Variants in LGI1 observed in about 807,000 individuals in gnomAD.
LGI1 encodes the protein leucine rich glioma inactivated 1.
Under a neutral mutation model 57.7 loss-of-function variants are expected in LGI1, and 11 were observed. That is an observed-to-expected ratio of 0.19 (90% CI 0.12 to 0.32). LGI1 has a LOEUF of 0.32. Among genes scored for constraint, LGI1 ranks in the 10% least tolerant of loss-of-function variants. The pLI, the probability that LGI1 is intolerant of heterozygous loss-of-function variation, is 1.00. For synonymous variants in LGI1, 222 were observed against 241.9 expected (o/e 0.92, Z 0.76); for missense variants, 422 against 661.9 (o/e 0.64, Z 3.98).
intron 2 of LGI1, among the ~76,000 whole-genome samples, chr10:93,775,457 G>C (rs983296267): frequency 1.3e-5 from 2 of 152,194 alleles, no homozygotes; most frequent in Non-Finnish European, 2.9e-5. Flanking sequence ...TGTGCCCGGG[G>C]CTGGGGACAC....
At chr10:93,759,219 C>T (rs2059597315) in intron 2 of LGI1, 4 of 243,802 alleles carry the variant, frequency 1.6e-5, no homozygotes, top group Non-Finnish European at 3.2e-5. Context: ...ATGTTGTCTC[C>T]GGGGATCTGG....
chr10:93,790,346 A>G (rs2059926153), intron 5 of LGI1, 176 bp downstream of exon 5: 1 of 613,808 alleles, frequency 1.6e-6, no homozygotes, highest in Non-Finnish European at 2.8e-6. Context: ...TGAGTCTTCT[A>G]TGGTATTTAT....
chr10:93,796,022 C>G (rs2059976736), intron 7 of LGI1, among the ~76,000 whole-genome samples: 1 of 152,248 alleles, frequency 6.6e-6, no homozygotes, highest in African/African-American at 2.4e-5. Flanking sequence ...TTTTCTAGAG[C>G]CAAACTCCTG....
At chr10:93,781,126 A>G (rs2059843082) in intron 4 of LGI1, among the ~76,000 whole-genome samples, 1 of 152,168 alleles carries the variant, frequency 6.6e-6, no homozygotes, top group Non-Finnish European at 1.5e-5. Flanking sequence ...TGGGAAGCCA[A>G]GGAGGGCAGA....
chr10:93,776,795 A>T (rs1479587954), intron 2 of LGI1: 1 of 153,296 alleles, frequency 6.5e-6, no homozygotes, highest in Non-Finnish European at 1.5e-5. Flanking sequence ...AAAAGCTTCA[A>T]CTATTTGGTA....
intron 7 of LGI1, 128 bp downstream of exon 7, chr10:93,793,478 C>T: frequency 2.4e-6 from 2 of 825,008 alleles, no homozygotes; most frequent in South Asian, 3.0e-5. Context: ...TGTTAAGTGA[C>T]CTGGGATTGT....
intron 2 of LGI1, chr10:93,762,960 C>A (rs1161672843): frequency 2.0e-5 from 3 of 152,226 alleles, no homozygotes; most frequent in Non-Finnish European, 2.9e-5. Context: ...TCACTCTCCA[C>A]TTCCACCTGG....
chr10:93,796,088 G>A (rs1198013169), intron 7 of LGI1, among the ~76,000 whole-genome samples: 1 of 152,206 alleles, frequency 6.6e-6, no homozygotes, highest in Non-Finnish European at 1.5e-5. Context: ...TACCAAGCTA[G>A]GCCACTGACA....
chr10:93,767,198 T>G (rs1302029455), intron 2 of LGI1: 3 of 152,120 alleles, frequency 2.0e-5, no homozygotes, highest in African/African-American at 7.2e-5. Flanking sequence ...GTTGCAACTC[T>G]CATTTATATG....
At position 93,758,369 on chromosome 10, in the gene LGI1, G is replaced by C. The variant is rs1157087514; in HGVS notation, c.215+10G>C. 2 of 1,611,746 alleles carry C rather than the reference G, an allele frequency of 1.2e-6. No homozygotes were observed. Among genetic ancestry groups the C allele is most frequent in the Non-Finnish European group, 1.7e-6 (2 of 1,177,964 alleles). ...CTGATGTTATCTCATTGTAAGGCCC[G>C]TAAGCATTTTGATATCTAATTTACG... On this transcript the variant is annotated intron_variant, in intron 1 of 7. Coordinates refer to ENST00000371418, the MANE Select transcript of LGI1 (RefSeq NM_005097.4). The surrounding 1 kb of genome is among the most constrained non-coding windows in gnomAD (Gnocchi z 4.7).
chr10:93,795,671 T>A (rs138193428), intron 7 of LGI1, among the ~76,000 whole-genome samples: 2 of 152,196 alleles, frequency 1.3e-5, no homozygotes, highest in African/African-American at 2.4e-5. Context: ...GAATCTTTCA[T>A]GTAGAGTGCA....
chr10:93,758,720 G>T lies in LGI1; in HGVS notation c.216-40G>T. On this transcript the variant is annotated intron_variant, in intron 1 of 7. Transcript: ENST00000371418. This position sits in a 1 kb window ranked among gnomAD's most constrained non-coding sequence, Gnocchi z 4.7. ...TCTGTGTGTGTGTGTCTCTTTGTGT[G>T]TGTCTGTTTGTTTGTTTTCTCTTTT... is the stretch of plus-strand genomic sequence containing the variant. The T allele has an allele frequency of 7.2e-7, 1 of 1,390,628 alleles. No individual in the cohort carries two copies. Among genetic ancestry groups the T allele is most frequent in the Non-Finnish European group, 1.0e-6 (1 of 979,934 alleles). 86.1% of individuals were successfully genotyped at this position (1,390,628 alleles called of 1,614,324 possible).
chr10:93,792,586 C>A lies in LGI1; in HGVS notation c.504-157C>A, dbSNP rs1347916665. On this transcript the variant is annotated intron_variant, in intron 5 of 7. Coordinates refer to ENST00000371418, the MANE Select transcript of LGI1 (RefSeq NM_005097.4). ...GTGCATGGTGCTAACTCTCTGAGCC[C>A]AAAGTGAATGAGTGGTCAGTCAGGT... 4 of 747,412 alleles carry A rather than the reference C, an allele frequency of 5.4e-6. No homozygotes were observed. In the African/African-American group the frequency reaches 6.9e-5, roughly 13 times the overall value. The allele number at this position is 747,412 out of a possible 1,614,324, so 46.3% of individuals were successfully genotyped here.
intron 5 of LGI1, chr10:93,790,435 AG>A: frequency 2.2e-6 from 1 of 445,656 alleles, no homozygotes; most frequent in East Asian, 4.1e-5. Context: ...GCGATGATAA[AG>A]GACTTTGACG....
intron 4 of LGI1, among the ~76,000 whole-genome samples, chr10:93,784,826 C>T (rs934277581): frequency 2.0e-5 from 3 of 152,258 alleles, no homozygotes; most frequent in Middle Eastern, 3.4e-3. Context: ...TCGTGACACT[C>T]TCTCTAGTCA....
intron 2 of LGI1, among the ~76,000 whole-genome samples, chr10:93,773,321 G>A (rs1355091616): frequency 2.6e-5 from 4 of 152,140 alleles, no homozygotes; most frequent in Non-Finnish European, 1.5e-5. Flanking sequence ...TGTGACCTGG[G>A]ACCTGTGCTG....
At chr10:93,782,370 C>T (rs1175461229) in intron 4 of LGI1, among the ~76,000 whole-genome samples, 1 of 152,142 alleles carries the variant, frequency 6.6e-6, no homozygotes. Flanking sequence ...AATAACAAGG[C>T]ATTTAAGAGT....
At chr10:93,793,145 G>C in intron 6 of LGI1, 41 bp from the exon 7 acceptor site, 7 of 1,508,524 alleles carry the variant, frequency 4.6e-6, no homozygotes, top group Non-Finnish European at 5.5e-6. Context: ...CAAGGAAAGA[G>C]GTATTAGCTC....
At chr10:93,777,957 CT>C (rs2059808404) in intron 4 of LGI1, among the ~76,000 whole-genome samples, 1 of 152,136 alleles carries the variant, frequency 6.6e-6, no homozygotes, top group African/African-American at 2.4e-5. Context: ...CTTTTTTTCC[CT>C]CTATAAGCCC....
Sources: allele counts gnomAD v4.1 joint callset (sites outside exome capture counted in the v4.1 genomes callset), GRCh38; gene constraint gnomAD v4.1.1; non-coding constraint Gnocchi (gnomAD v3.1); transcripts MANE v1.5; gene names NCBI Gene and HGNC (gene_info 2026-07-23, HGNC 2026-07-21).